Variants in PRKG2 observed in about 807,000 individuals in gnomAD.
PRKG2 encodes cGMP-dependent protein kinase 2.
A neutral mutation model predicts 97.2 loss-of-function variants in PRKG2; 33 were observed. That is an observed-to-expected ratio of 0.34 (90% CI 0.26 to 0.45). The LOEUF (loss-of-function observed/expected upper bound fraction) is 0.45, where lower values mean the gene tolerates loss of function less well. PRKG2 is among the 20% of genes least tolerant of loss of function. The pLI, the probability that PRKG2 is intolerant of heterozygous loss-of-function variation, is 1.00. For missense variants in PRKG2, 638 were observed against 900.0 expected, an observed-to-expected ratio of 0.71 and a Z score of 3.73; for synonymous variants, 330 against 321.8, an observed-to-expected ratio of 1.03 and a Z score of -0.27.
At chr4:81,214,104 A>T (rs553285730) in intron 1 of PRKG2, among the ~76,000 whole-genome samples, 2 of 151,342 alleles carry the variant, frequency 1.3e-5, no homozygotes, top group East Asian at 3.9e-4. Context: ...AGAAACTCTA[A>T]ATATGGGGGT....
At chr4:81,161,971 T>A (rs1396600487) in intron 6 of PRKG2, among the ~76,000 whole-genome samples, 1 of 152,060 alleles carries the variant, frequency 6.6e-6, no homozygotes, top group East Asian at 1.9e-4. Flanking sequence ...CCTACCACAA[T>A]AAGCCAATGA....
intron 6 of PRKG2, among the ~76,000 whole-genome samples, chr4:81,162,806 A>T (rs144975707): frequency 6.6e-6 from 1 of 152,266 alleles, no homozygotes; most frequent in Non-Finnish European, 1.5e-5. Flanking sequence ...TCTTTGCTAT[A>T]GCTGCGGGGA....
chr4:81,208,965 AAC>A (rs1453628597), intron 1 of PRKG2, among the ~76,000 whole-genome samples: 6 of 152,186 alleles, frequency 3.9e-5, no homozygotes, highest in Non-Finnish European at 8.8e-5. Context: ...AAATGCTTAA[AAC>A]ATGGAGGCCC....
At chr4:81,191,126 A>G (rs572810621) in intron 2 of PRKG2, among the ~76,000 whole-genome samples, 1 of 152,100 alleles carries the variant, frequency 6.6e-6, no homozygotes, top group Admixed American at 6.5e-5. Flanking sequence ...ATAAAGATAC[A>G]CACACACGTA....
intron 1 of PRKG2, among the ~76,000 whole-genome samples, chr4:81,212,941 G>C (rs1754080500): frequency 6.6e-6 from 1 of 152,202 alleles, no homozygotes; most frequent in African/African-American, 2.4e-5. Context: ...ATGTGCATGG[G>C]AGGGCAATCA....
intron 15 of PRKG2, among the ~76,000 whole-genome samples, chr4:81,107,745 T>C (rs1743494050): frequency 6.6e-6 from 1 of 151,932 alleles, no homozygotes; most frequent in Admixed American, 6.6e-5. Flanking sequence ...TTTCTTGACC[T>C]CGTGATCCGC....
chr4:81,207,985 C>T (rs1753769890), intron 1 of PRKG2, among the ~76,000 whole-genome samples: 1 of 152,148 alleles, frequency 6.6e-6, no homozygotes, highest in Non-Finnish European at 1.5e-5. Flanking sequence ...TAGGATGTTG[C>T]TCCATCAGTC....
chr4:81,137,507 T>G, intron 12 of PRKG2, 25 bp from the exon 13 acceptor site: 1 of 1,559,776 alleles, frequency 6.4e-7, no homozygotes, highest in Non-Finnish European at 8.8e-7. Context: ...AAAAACATGG[T>G]TATTATTGGA....
At chr4:81,185,343 AT>A (rs1298710103) in intron 2 of PRKG2, among the ~76,000 whole-genome samples, 1 of 151,120 alleles carries the variant, frequency 6.6e-6, no homozygotes, top group East Asian at 1.9e-4. Context: ...AAAGAAAAGA[AT>A]TTTCAACCCA....
intron 2 of PRKG2, among the ~76,000 whole-genome samples, chr4:81,185,717 T>A (rs1261451303): frequency 6.6e-6 from 1 of 152,150 alleles, no homozygotes; most frequent in Non-Finnish European, 1.5e-5. Context: ...GGGTGCTGTG[T>A]TCAGGAGATC....
Position 81,186,331 on chromosome 4 carries a change from C to T in PRKG2, c.462-11372G>A, listed in dbSNP as rs148977816. ...AGATTAAGAAACTCACTCAAAACTG[C>T]ACAACTATATGGAAACTGAACAACC... is the stretch of plus-strand genomic sequence containing the variant. On this transcript the variant is annotated intron_variant, in intron 2 of 18. Coordinates refer to ENST00000264399, the MANE Select transcript of PRKG2 (RefSeq NM_006259.3). Among the ~76,000 whole-genome samples the T allele has an allele frequency of 1.4e-3, 210 of 152,288 alleles. 5 individuals are homozygous for T. In the East Asian group the frequency reaches 0.039, roughly 28 times the overall value.
chr4:81,141,529 C>T (rs769816306), intron 11 of PRKG2, among the ~76,000 whole-genome samples: 7 of 151,976 alleles, frequency 4.6e-5, no homozygotes, highest in South Asian at 2.1e-4. Flanking sequence ...TCTAGATGCA[C>T]GATCAAGTAT....
chr4:81,123,239 G>T (rs1745232831), intron 14 of PRKG2, among the ~76,000 whole-genome samples: 1 of 152,108 alleles, frequency 6.6e-6, no homozygotes, highest in South Asian at 2.1e-4. Flanking sequence ...ATTTTATTAG[G>T]TAAATAGAAT....
At chr4:81,111,256 G>A (rs1743908623) in intron 14 of PRKG2, among the ~76,000 whole-genome samples, 1 of 152,128 alleles carries the variant, frequency 6.6e-6, no homozygotes, top group Non-Finnish European at 1.5e-5. Context: ...AGGAAGGTGA[G>A]TGGTGGGCAG....
At chr4:81,135,371 A>G (rs1746581758) in intron 13 of PRKG2, 75 bp from the exon 14 acceptor site, 1 of 1,441,358 alleles carries the variant, frequency 6.9e-7, no homozygotes, top group South Asian at 1.4e-5. Context: ...CAAATCAATT[A>G]TTGGATTGGC....
chr4:81,168,794 A>AC (rs1267898918), intron 5 of PRKG2, among the ~76,000 whole-genome samples: 2 of 152,218 alleles, frequency 1.3e-5, no homozygotes, highest in African/African-American at 4.8e-5. Flanking sequence ...ACTATAAGCT[A>AC]AGCACTATAT....
intron 14 of PRKG2, among the ~76,000 whole-genome samples, chr4:81,121,176 A>G (rs929671707): frequency 1.3e-5 from 2 of 152,078 alleles, no homozygotes; most frequent in Non-Finnish European, 2.9e-5. Context: ...CTTTGTATAC[A>G]TTGTTGGATT....
upstream of PRKG2, among the ~76,000 whole-genome samples, chr4:81,215,446 G>C (rs1001780989): frequency 2.0e-5 from 3 of 152,310 alleles, no homozygotes; most frequent in South Asian, 2.1e-4. Context: ...ATAACATCGT[G>C]GTTGTAAGCA....
At chr4:81,171,594 GGAAACAGACT>G in intron 4 of PRKG2, 87 bp downstream of exon 4, 1 of 866,086 alleles carries the variant, frequency 1.2e-6, no homozygotes. Context: ...GGGTAAAATG[GGAAACAGACT>G]GTGGATCAGG....
Sources: gnomAD v4.1 joint callset for allele counts (sites outside exome capture counted in the v4.1 genomes callset) on GRCh38, gnomAD v4.1.1 for gene constraint, MANE v1.5 for transcripts, NCBI Gene and HGNC (gene_info 2026-07-23, HGNC 2026-07-21) for gene names.